Variants in CAST observed in about 807,000 individuals in gnomAD.
The protein encoded by CAST is calpastatin.
In CAST, 76 loss-of-function variants were observed where a neutral mutation model predicts 119.6. The observed-to-expected ratio is 0.64, with a 90% CI of 0.53 to 0.77. The LOEUF is 0.77. Ranked by LOEUF, CAST falls within the 30% of genes least tolerant of loss-of-function variation. The pLI, the probability that CAST is intolerant of heterozygous loss-of-function variation, is 0.00. For synonymous variants in CAST, 319 were observed against 331.6 expected (o/e 0.96, Z 0.41); for missense variants, 953 against 946.5 (o/e 1.01, Z -0.09).
the CAST span, among the ~76,000 whole-genome samples, chr5:96,192,548 C>T: frequency 6.6e-6 from 1 of 152,172 alleles, no homozygotes; most frequent in African/African-American, 2.4e-5. Context: ...GAGAAAGGTA[C>T]ATATGACCCC....
In CAST at chr5:96,607,054, C is replaced by T. The variant is rs573532577; in HGVS notation, c.61-68485C>T. Among the ~76,000 whole-genome samples the T allele has an allele frequency of 5.0e-3, 766 of 152,192 alleles. 9 individuals carry two copies. The highest frequency in any genetic ancestry group is 0.018 in the African/African-American group (742 of 41,500). The stretch of plus-strand genomic sequence containing the variant: ...CTGTAATCCCAGCACTTTGGGAGGC[C>T]GAGGCGGGCGGATCACGAGGTCAGG... On this transcript the variant is annotated intron_variant, in intron 1 of 11. Transcript: ENST00000505143.
chr5:96,635,155 T>C (rs1036335047), intron 1 of CAST, among the ~76,000 whole-genome samples: 8 of 152,178 alleles, frequency 5.3e-5, no homozygotes, highest in African/African-American at 1.7e-4. Context: ...AGCAGAGACA[T>C]TGCACCTAGA....
At chr5:96,570,689 A>T (rs549487418) in intron 1 of CAST, among the ~76,000 whole-genome samples, 1 of 152,344 alleles carries the variant, frequency 6.6e-6, no homozygotes, top group Admixed American at 6.5e-5. Context: ...TTTCCAAGCA[A>T]CTTCGGTAAA....
the CAST span, among the ~76,000 whole-genome samples, chr5:96,012,898 G>C: frequency 6.6e-6 from 1 of 152,138 alleles, no homozygotes. Flanking sequence ...GTTTCTGCCA[G>C]TCCAAGGAGA....
the CAST span, among the ~76,000 whole-genome samples, chr5:96,508,630 C>G: frequency 6.6e-6 from 1 of 152,114 alleles, no homozygotes; most frequent in African/African-American, 2.4e-5. Flanking sequence ...GGCCCATAGA[C>G]AGTCTTATTG....
the CAST span, among the ~76,000 whole-genome samples, chr5:95,972,728 AT>A: frequency 6.6e-6 from 1 of 151,920 alleles, no homozygotes; most frequent in Non-Finnish European, 1.5e-5. Flanking sequence ...CAGTTTATCA[AT>A]TTTTTTTCCT....
chr5:96,156,500 C>T, the CAST span, among the ~76,000 whole-genome samples: 2,040 of 152,242 alleles, frequency 0.013, 35 homozygotes, highest in South Asian at 0.077. Flanking sequence ...CTATTTCTTC[C>T]ACCCAATTTA....
chr5:96,056,924 T>G, the CAST span, among the ~76,000 whole-genome samples: 2 of 152,152 alleles, frequency 1.3e-5, no homozygotes, highest in South Asian at 4.1e-4. Flanking sequence ...ATTACAAAAA[T>G]TTTTTTAGAC....
the CAST span, among the ~76,000 whole-genome samples, chr5:95,975,252 A>T: frequency 6.6e-6 from 1 of 152,218 alleles, no homozygotes; most frequent in African/African-American, 2.4e-5. Context: ...AACATTTGGT[A>T]GTAACAAGTG....
At chr5:96,063,690 G>C in the CAST span, among the ~76,000 whole-genome samples, 2 of 152,106 alleles carry the variant, frequency 1.3e-5, no homozygotes, top group Admixed American at 1.3e-4. Flanking sequence ...TATTTAGTTG[G>C]GGGCTGTTGT....
chr5:96,623,154 G>A (rs535635639), intron 1 of CAST, among the ~76,000 whole-genome samples: 1 of 152,060 alleles, frequency 6.6e-6, no homozygotes, highest in South Asian at 2.1e-4. Flanking sequence ...ATGAGCCACT[G>A]CACCCAGCCT....
At chr5:96,298,191 A>G in the CAST span, among the ~76,000 whole-genome samples, 1,851 of 152,296 alleles carry the variant, frequency 0.012, 34 homozygotes, top group African/African-American at 0.042. Context: ...ATGGTGCAAA[A>G]CCTGTAAGCC....
intron 1 of CAST, among the ~76,000 whole-genome samples, chr5:96,639,232 C>A (rs1478960558): frequency 1.3e-5 from 2 of 152,184 alleles, no homozygotes; most frequent in Non-Finnish European, 2.9e-5. Context: ...GACCAATGTA[C>A]AGTAGATAAT....
intron 25 of CAST, chr5:96,763,155 C>T (rs765360150): frequency 3.8e-6 from 3 of 780,514 alleles, no homozygotes; most frequent in South Asian, 2.7e-5. Flanking sequence ...TTTGATGTAG[C>T]ATCAAAGCAT....
chr5:96,003,526 A>G, the CAST span, among the ~76,000 whole-genome samples: 1 of 147,640 alleles, frequency 6.8e-6, no homozygotes, highest in African/African-American at 2.5e-5. Context: ...CGACAGAGCG[A>G]GACTCCATCT....
At chr5:96,379,325 G>A in the CAST span, among the ~76,000 whole-genome samples, 1 of 152,222 alleles carries the variant, frequency 6.6e-6, no homozygotes, top group South Asian at 2.1e-4. Flanking sequence ...AGATTCATTT[G>A]CTATTTCTAT....
the CAST span, among the ~76,000 whole-genome samples, chr5:96,514,811 G>T: frequency 6.6e-6 from 1 of 152,256 alleles, no homozygotes; most frequent in East Asian, 1.9e-4. Context: ...GAGTGCAGTG[G>T]CACAATCTCT....
chr5:96,104,132 T>C, the CAST span, among the ~76,000 whole-genome samples: 3 of 152,198 alleles, frequency 2.0e-5, no homozygotes. Context: ...TTCTGGATAT[T>C]AACCCTTTGT....
At chr5:96,048,392 G>A in the CAST span, among the ~76,000 whole-genome samples, 7 of 152,162 alleles carry the variant, frequency 4.6e-5, no homozygotes, top group Non-Finnish European at 1.0e-4. Context: ...GGCTTCAAGA[G>A]ATAATTTCAG....
Sources: gnomAD v4.1 joint callset for allele counts (sites outside exome capture counted in the v4.1 genomes callset) on GRCh38, gnomAD v4.1.1 for gene constraint, MANE v1.5 for transcripts, NCBI Gene and HGNC (gene_info 2026-07-23, HGNC 2026-07-21) for gene names.